PDZD2: variants seen among roughly 807,000 people sequenced by gnomAD.
PDZD2 encodes PDZ domain containing 2.
Under a neutral mutation model 220.7 loss-of-function variants are expected in PDZD2, and 90 were observed. That is an observed-to-expected ratio of 0.41 (90% CI 0.34 to 0.49). The LOEUF (loss-of-function observed/expected upper bound fraction) is 0.49, where lower values mean the gene tolerates loss of function less well. Among genes scored for constraint, PDZD2 ranks in the 20% least tolerant of loss-of-function variants. The pLI is 0.28. For synonymous variants in PDZD2, 1,375 were observed against 1,450.5 expected (o/e 0.95, Z 1.18); for missense variants, 3,174 against 3,608.5 (o/e 0.88, Z 3.08).
chr5:31,974,081 A>G (rs1324127969), intron 2 of PDZD2, among the ~76,000 whole-genome samples: 2 of 152,208 alleles, frequency 1.3e-5, no homozygotes, highest in African/African-American at 2.4e-5. Context: ...CCAGGGCTCA[A>G]GCAATTCTCC....
Position 32,087,289 on chromosome 5 carries a change from C to T in PDZD2, c.3841C>T (p.Pro1281Ser). The change falls in exon 20 of 25, where the codon CCA (proline) becomes TCA (serine). Residue 1281 changes from proline to serine, a missense_variant. Coordinates refer to ENST00000438447, the MANE Select transcript of PDZD2 (RefSeq NM_178140.4). This position sits in a 1 kb window ranked among gnomAD's most constrained non-coding sequence, Gnocchi z 4.0. ...GGTCACCAAGTGCAAGGCCAGGTCT[C>T]CAGTCAGGCTCCCCCATGAGGGCAG... ...PRVTKCKARS[P>S]VRLPHEGSPS... The T allele has an allele frequency of 6.2e-7, 1 of 1,614,202 alleles. No individual in the cohort carries two copies. The highest frequency in any genetic ancestry group is 8.5e-7 in the Non-Finnish European group (1 of 1,180,034).
intron 4 of PDZD2, among the ~76,000 whole-genome samples, chr5:31,996,508 A>C (rs1751650550): frequency 6.6e-6 from 1 of 152,166 alleles, no homozygotes; most frequent in Non-Finnish European, 1.5e-5. Context: ...GGAGTTCCAG[A>C]CCAGCCTGGC....
At chr5:31,960,230 C>G (rs1748088662) in intron 2 of PDZD2, among the ~76,000 whole-genome samples, 1 of 149,982 alleles carries the variant, frequency 6.7e-6, no homozygotes, top group African/African-American at 2.5e-5. Context: ...TTCCTTCTTT[C>G]TTTTTGACGA....
intron 3 of PDZD2, among the ~76,000 whole-genome samples, chr5:31,992,391 G>A (rs924389596): frequency 6.6e-6 from 1 of 152,216 alleles, no homozygotes; most frequent in Admixed American, 6.5e-5. Context: ...AAGTGGAGTG[G>A]AAATGTGGGT....
rs754977296 is a variant in PDZD2, at chr5:32,087,315, C to T, written c.3867C>T (p.Ser1289=). ...CAGTCAGGCTCCCCCATGAGGGCAGCCCCTCCCCGGGGGAGAAAGCAGCGG... is the reference window on the plus strand; with the variant it reads ...CAGTCAGGCTCCCCCATGAGGGCAGTCCCTCCCCGGGGGAGAAAGCAGCGG... The part of the protein sequence containing the change: ...RSPVRLPHEG[S]PSPGEKAAAP... The change falls in exon 20 of 25, where the codon AGC becomes AGT. Residue 1289 remains serine, a synonymous_variant. Transcript: ENST00000438447. The surrounding 1 kb of genome is among the most constrained non-coding windows in gnomAD (Gnocchi z 4.0). 2.5e-6 allele frequency: 4 copies of T among 1,614,170 alleles called. No individual in the cohort carries two copies. The highest frequency in any genetic ancestry group is 3.3e-5 in the Admixed American group (2 of 60,026).
At position 32,022,898 on chromosome 5, in the gene PDZD2, G is replaced by T. The variant is rs763221311; in HGVS notation, c.1407+12416G>T. On this transcript the variant is annotated intron_variant, in intron 6 of 24. Coordinates refer to ENST00000438447, the MANE Select transcript of PDZD2 (RefSeq NM_178140.4). ...TTTTTAAGATTACTCAAGCAGCGTG[G>T]CAGAGGAGGAGTGGGATTGAAGAAA... 2.4e-4 allele frequency among the ~76,000 whole-genome samples: 36 copies of T among 152,262 alleles called. 1 individual carries two copies. The highest frequency in any genetic ancestry group is 3.4e-3 in the Middle Eastern group (1 of 294).
At chr5:31,939,321 C>T (rs138058012) in intron 2 of PDZD2, among the ~76,000 whole-genome samples, 3 of 152,284 alleles carry the variant, frequency 2.0e-5, no homozygotes, top group African/African-American at 7.2e-5. Flanking sequence ...AGTCAGAAAC[C>T]TGATTTGCGT....
intron 2 of PDZD2, among the ~76,000 whole-genome samples, chr5:31,807,169 C>T (rs926244092): frequency 1.3e-5 from 2 of 152,140 alleles, no homozygotes; most frequent in Admixed American, 1.3e-4. Flanking sequence ...CCTCTGACCT[C>T]AGGTGATCCA....
intron 2 of PDZD2, among the ~76,000 whole-genome samples, chr5:31,982,259 A>T (rs1750356807): frequency 6.6e-6 from 1 of 152,156 alleles, no homozygotes; most frequent in African/African-American, 2.4e-5. Context: ...TCCTCATTCA[A>T]CACAGTGTAC....
intron 20 of PDZD2, among the ~76,000 whole-genome samples, chr5:32,092,031 T>A (rs142543041): frequency 6.6e-6 from 1 of 152,106 alleles, no homozygotes; most frequent in South Asian, 2.1e-4. Context: ...CCCAGCACTT[T>A]AGGAGGCTGA....
chr5:31,945,703 C>G (rs1341001332), intron 2 of PDZD2, among the ~76,000 whole-genome samples: 3 of 152,030 alleles, frequency 2.0e-5, no homozygotes, highest in African/African-American at 7.2e-5. Context: ...GTTTCAGACT[C>G]TACCTGCCTG....
At chr5:31,707,268 G>A (rs892063417) in intron 1 of PDZD2, among the ~76,000 whole-genome samples, 4 of 151,836 alleles carry the variant, frequency 2.6e-5, no homozygotes, top group Admixed American at 6.6e-5. Flanking sequence ...AAACCTGCAT[G>A]TTGTGCACGT....
At chr5:32,049,692 T>C (rs915593143) in intron 8 of PDZD2, among the ~76,000 whole-genome samples, 21 of 152,238 alleles carry the variant, frequency 1.4e-4, no homozygotes, top group Admixed American at 3.9e-4. Flanking sequence ...CGATGCCCTT[T>C]ATCTGACCAG....
At chr5:31,818,518 G>C (rs1755615994) in intron 2 of PDZD2, among the ~76,000 whole-genome samples, 1 of 152,080 alleles carries the variant, frequency 6.6e-6, no homozygotes, top group African/African-American at 2.4e-5. Context: ...CTCTAGGTCT[G>C]ACCCTTGAGT....
At chr5:31,988,327 T>C (rs1384945977) in intron 3 of PDZD2, among the ~76,000 whole-genome samples, 1 of 152,154 alleles carries the variant, frequency 6.6e-6, no homozygotes, top group Non-Finnish European at 1.5e-5. Context: ...TTTCTTTTTT[T>C]CTTTTTTACC....
chr5:31,845,669 A>G (rs1757544305), intron 2 of PDZD2, among the ~76,000 whole-genome samples: 1 of 152,138 alleles, frequency 6.6e-6, no homozygotes, highest in Non-Finnish European at 1.5e-5. Flanking sequence ...TTCCAGGTAG[A>G]CTCTCAGATC....
At chr5:32,073,801 C>T in intron 17 of PDZD2, 31 bp from the exon 18 acceptor site, 1 of 1,491,490 alleles carries the variant, frequency 6.7e-7, no homozygotes. Context: ...AGCTCAATTT[C>T]ACTTGACTTT....
intron 2 of PDZD2, among the ~76,000 whole-genome samples, chr5:31,935,087 C>CA (rs57215375): frequency 0.67 from 96,105 of 143,498 alleles, 32,149 homozygotes; most frequent in East Asian, 0.77. Flanking sequence ...GACCCTGTCT[C>CA]AAAAAAAAAA....
intron 2 of PDZD2, among the ~76,000 whole-genome samples, chr5:31,875,444 G>A (rs1452408453): frequency 6.6e-6 from 1 of 151,682 alleles, no homozygotes. Flanking sequence ...AAATTAGCTG[G>A]GCGTGGTCGC....
Sources: gnomAD v4.1 joint callset for allele counts (sites outside exome capture counted in the v4.1 genomes callset) on GRCh38, gnomAD v4.1.1 for gene constraint, Gnocchi (gnomAD v3.1) non-coding constraint, MANE v1.5 for transcripts, NCBI Gene and HGNC (gene_info 2026-07-23, HGNC 2026-07-21) for gene names.